USP34: variants seen among roughly 807,000 people sequenced by gnomAD.
The protein encoded by USP34 is ubiquitin specific peptidase 34.
USP34 carries 70 observed loss-of-function variants against 460.3 expected under a neutral mutation model. The ratio of observed to expected loss-of-function variants is 0.15; its 90% CI spans 0.13 to 0.19. The LOEUF is 0.19. USP34 is among the 10% of genes least tolerant of loss of function. The pLI, the probability that USP34 is intolerant of heterozygous loss-of-function variation, is 1.00. For missense variants in USP34, 3,985 were observed against 4,236.2 expected, an observed-to-expected ratio of 0.94 and a Z score of 1.65; for synonymous variants, 1,647 against 1,405.3, an observed-to-expected ratio of 1.17 and a Z score of -3.85.
intron 1 of USP34, among the ~76,000 whole-genome samples, chr2:61,443,355 C>A (rs1264672787): frequency 6.6e-6 from 1 of 152,040 alleles, no homozygotes; most frequent in African/African-American, 2.4e-5. Flanking sequence ...CTGATCTGAT[C>A]ACTATATATG....
At chr2:61,287,578 C>A (rs1469797470) in intron 34 of USP34, among the ~76,000 whole-genome samples, 2 of 152,198 alleles carry the variant, frequency 1.3e-5, no homozygotes, top group African/African-American at 4.8e-5. Context: ...ACTTCCTGAT[C>A]AATGTGAAGA....
rs75789668 is a variant in USP34, at chr2:61,200,552, A to G, written c.9508+2588T>C. 11 of 152,434 alleles carry G rather than the reference A, an allele frequency of 7.2e-5. No homozygotes were observed. The East Asian group carries it at 2.1e-3, about 29-fold the overall frequency. 9.4% of individuals were successfully genotyped at this position (152,434 alleles called of 1,614,324 possible). A position where few individuals can be genotyped will look rare whatever the true frequency, so the allele number is the denominator to read the frequency against. ...CAGTTGCCCATATAAAAATTACCAC[A>G]AAGACTTTTCCTCATAACTGGAAAT... On this transcript the variant is annotated intron_variant, in intron 75 of 79. Coordinates refer to ENST00000398571, the MANE Select transcript of USP34 (RefSeq NM_014709.4).
chr2:61,432,528 C>T (rs945062455), intron 1 of USP34, among the ~76,000 whole-genome samples: 1 of 151,924 alleles, frequency 6.6e-6, no homozygotes, highest in Non-Finnish European at 1.5e-5. Flanking sequence ...TCTCTAGTTC[C>T]AACTATTCAG....
At chr2:61,297,608 A>G (rs1400676133) in intron 29 of USP34, among the ~76,000 whole-genome samples, 9 of 152,234 alleles carry the variant, frequency 5.9e-5, no homozygotes, top group Non-Finnish European at 1.2e-4. Context: ...CACGGAGTAT[A>G]AATTTATTAC....
At chr2:61,374,172 A>C (rs934178359) in intron 8 of USP34, among the ~76,000 whole-genome samples, 3 of 151,502 alleles carry the variant, frequency 2.0e-5, no homozygotes, top group South Asian at 2.1e-4. Flanking sequence ...AAAAAAAAAA[A>C]AAAAAACAGA....
At chr2:61,287,632 GA>G (rs1156383349) in intron 34 of USP34, among the ~76,000 whole-genome samples, 1 of 152,128 alleles carries the variant, frequency 6.6e-6, no homozygotes, top group African/African-American at 2.4e-5. Context: ...TCCACTTGAA[GA>G]ACAGTAAATA....
At chr2:61,401,273 T>C (rs1292183255) in intron 3 of USP34, among the ~76,000 whole-genome samples, 1 of 151,904 alleles carries the variant, frequency 6.6e-6, no homozygotes. Flanking sequence ...TTTTTAAAGA[T>C]AGGGTCCCAC....
chr2:61,381,630 C>T (rs901507310), intron 6 of USP34, among the ~76,000 whole-genome samples: 7 of 152,170 alleles, frequency 4.6e-5, no homozygotes, highest in Non-Finnish European at 1.5e-5. Context: ...AGCCACCATG[C>T]CTGGCTGGCT....
chr2:61,341,755 C>CTTTTTTTT (rs896288474), intron 16 of USP34, among the ~76,000 whole-genome samples: 5 of 91,724 alleles, frequency 5.5e-5, no homozygotes, highest in Non-Finnish European at 8.5e-5. Flanking sequence ...TCAGGTCTTT[C>CTTTTTTTT]TTTTTTTTTT....
intron 27 of USP34, among the ~76,000 whole-genome samples, chr2:61,308,151 T>C (rs1308693542): frequency 6.6e-6 from 1 of 152,030 alleles, no homozygotes; most frequent in Non-Finnish European, 1.5e-5. Context: ...TCAGAAGTGC[T>C]AAATATGTGC....
intron 10 of USP34, among the ~76,000 whole-genome samples, chr2:61,357,210 A>C (rs1409003110): frequency 6.6e-6 from 1 of 152,202 alleles, no homozygotes; most frequent in African/African-American, 2.4e-5. Context: ...CTCAACAGAT[A>C]TTAAAATACA....
At chr2:61,303,439 T>A (rs1012942939) in intron 27 of USP34, among the ~76,000 whole-genome samples, 3 of 152,138 alleles carry the variant, frequency 2.0e-5, no homozygotes, top group African/African-American at 7.2e-5. Flanking sequence ...TGCTCACAAA[T>A]TATAACTGAA....
chr2:61,273,833 G>A (rs1403514184), intron 41 of USP34, among the ~76,000 whole-genome samples: 1 of 151,890 alleles, frequency 6.6e-6, no homozygotes, highest in Non-Finnish European at 1.5e-5. Context: ...AATACATATG[G>A]TAGTTTATTT....
Position 61,257,210 on chromosome 2 carries a change from G to T in USP34, c.5985C>A (p.Pro1995=). 1 of 1,607,338 alleles carries T rather than the reference G, an allele frequency of 6.2e-7. No homozygotes were observed. The highest frequency in any genetic ancestry group is 8.5e-7 in the Non-Finnish European group (1 of 1,177,240). ...TCAGTATTCTGATACTAACCAGTTC[G>T]GGAGACATTTCTTCGATTTTGGTAA... ...DLITKIEEMS[P]ELKNTVKSLF... Residue 1995 remains proline, a synonymous_variant, in exon 45 of 80, where the codon CCC becomes CCA. Transcript: ENST00000398571.
At chr2:61,465,415 C>G (rs1278899669) in intron 1 of USP34, among the ~76,000 whole-genome samples, 1 of 152,234 alleles carries the variant, frequency 6.6e-6, no homozygotes, top group Non-Finnish European at 1.5e-5. Flanking sequence ...TGTTCATAAT[C>G]TGTTACTTTT....
chr2:61,392,483 G>C (rs980885380), intron 5 of USP34, among the ~76,000 whole-genome samples: 1 of 152,034 alleles, frequency 6.6e-6, no homozygotes, highest in Non-Finnish European at 1.5e-5. Context: ...AATTAGCTGG[G>C]TGTGGTAGCG....
chr2:61,344,022 C>T lies in USP34; in HGVS notation c.2293G>A (p.Val765Ile), dbSNP rs775746728. 7 of 1,613,402 alleles carry T rather than the reference C, an allele frequency of 4.3e-6. No individual in the cohort carries two copies. Among genetic ancestry groups the T allele is most frequent in the Admixed American group, 3.3e-5 (2 of 60,010 alleles). ...HHHHHHDGHM[V>I]DDMLSADDVS... ...TCATCTGCACTTAGCATATCATCAA[C>T]CATATGCCTACAAAACAGAGAAAAG... Residue 765 changes from valine (V) to isoleucine (I), a missense_variant, in exon 16 of 80, where the codon GTT (valine) becomes ATT (isoleucine). Physicochemically the swap from Val to Ile is conservative, Grantham distance 29 (BLOSUM62 3). Coordinates refer to ENST00000398571, the MANE Select transcript of USP34 (RefSeq NM_014709.4).
intron 5 of USP34, among the ~76,000 whole-genome samples, chr2:61,391,907 C>T (rs189595083): frequency 5.8e-4 from 88 of 152,190 alleles, no homozygotes; most frequent in Middle Eastern, 6.8e-3. Flanking sequence ...AGTTATTATT[C>T]TCAGAAAATT....
In USP34 at chr2:61,349,268, T is replaced by C; in HGVS notation, c.1525A>G (p.Arg509Gly). ...GNKKEEEELRRTAPSPWSPAA... is the reference protein window; with the variant it reads ...GNKKEEEELRGTAPSPWSPAA... ...AACTTACAAGGTGATGGAGCTGTTC[T>C]TCTAAGCTCTTCTTCCTCTGAAGGA... Residue 509 changes from arginine (R) to glycine (G), a missense_variant, in exon 13 of 80, where the codon AGA becomes GGA. Transcript: ENST00000398571. 1.2e-6 allele frequency: 2 copies of C among 1,613,482 alleles called. No individual in the cohort carries two copies. Among genetic ancestry groups the C allele is most frequent in the Admixed American group, 1.7e-5 (1 of 59,910 alleles).
Sources: allele counts gnomAD v4.1 joint callset (sites outside exome capture counted in the v4.1 genomes callset), GRCh38; gene constraint gnomAD v4.1.1; transcripts MANE v1.5; gene names NCBI Gene and HGNC (gene_info 2026-07-23, HGNC 2026-07-21).